Variants in SCARB2 observed in about 807,000 individuals in gnomAD.
The protein encoded by SCARB2 is lysosome membrane protein 2.
In SCARB2, 29 loss-of-function variants were observed where a neutral mutation model predicts 58.6. The observed-to-expected ratio is 0.49, with a 90% confidence interval of 0.37 to 0.67. SCARB2 has a LOEUF of 0.67. SCARB2 is among the 30% of genes least tolerant of loss of function. The pLI, the probability that SCARB2 is intolerant of heterozygous loss-of-function variation, is 0.00. For synonymous variants in SCARB2, 195 were observed against 210.1 expected (o/e 0.93, Z 0.62); for missense variants, 488 against 578.5 (o/e 0.84, Z 1.60).
chr4:76,181,646 C>T (rs767983011), intron 2 of SCARB2, among the ~76,000 whole-genome samples: 1 of 152,118 alleles, frequency 6.6e-6, no homozygotes, highest in Non-Finnish European at 1.5e-5. Context: ...CTCACTGCAG[C>T]CTCAGCCTCC....
At chr4:76,206,441 A>G (rs1036713261) in intron 1 of SCARB2, among the ~76,000 whole-genome samples, 1 of 152,144 alleles carries the variant, frequency 6.6e-6, no homozygotes, top group Non-Finnish European at 1.5e-5. Context: ...ATCTGGACCA[A>G]TACGTGAAGT....
At position 76,168,507 on chromosome 4, in the gene SCARB2, T is replaced by C. The variant is rs188817523; in HGVS notation, c.1114-31A>G. 2.2e-4 allele frequency: 353 copies of C among 1,589,640 alleles called. 2 individuals carry two copies. The Middle Eastern group carries it at 2.3e-3, about 10-fold the overall frequency. On this transcript the variant is annotated intron_variant, in intron 8 of 11. Coordinates refer to ENST00000264896, the MANE Select transcript of SCARB2 (RefSeq NM_005506.4). The stretch of plus-strand genomic sequence containing the variant: ...AATCAGAGAAGTGAAAAGGAAACAT[T>C]AGGATTTATTAAACTGCAAACAACT...
At position 76,213,613 on chromosome 4, in the gene SCARB2, G is replaced by T; in HGVS notation, c.-70C>A. 7.8e-7 allele frequency: 1 copy of T among 1,275,284 alleles called. No homozygotes were observed. Among genetic ancestry groups the T allele is most frequent in the Non-Finnish European group, 1.1e-6 (1 of 884,058 alleles). The allele number at this position is 1,275,284 out of a possible 1,614,324, so 79.0% of individuals were successfully genotyped here. A position where few individuals can be genotyped will look rare whatever the true frequency, so the allele number is the denominator to read the frequency against. On this transcript the variant is annotated 5_prime_UTR_variant, in exon 1 of 12. Transcript: ENST00000264896. Reference sequence around the variant, plus strand: ...ATCCAACTGCAAGGAGGGAGGAGCCGCCGCAGAGGCGTCGAAGACCCGGGA... The same window carrying T: ...ATCCAACTGCAAGGAGGGAGGAGCCTCCGCAGAGGCGTCGAAGACCCGGGA...
chr4:76,203,141 C>A (rs911671115), intron 1 of SCARB2, among the ~76,000 whole-genome samples: 1 of 152,022 alleles, frequency 6.6e-6, no homozygotes, highest in Admixed American at 6.6e-5. Flanking sequence ...CACCCAGCTA[C>A]TTTTTGTATT....
At chr4:76,227,095 T>C (rs1733411585) in intron 1 of SCARB2, among the ~76,000 whole-genome samples, 2 of 152,210 alleles carry the variant, frequency 1.3e-5, no homozygotes, top group African/African-American at 4.8e-5. Flanking sequence ...CTTGTTTCTC[T>C]AGTTTCTTGA....
At chr4:76,177,785 T>C (rs12641190) in intron 4 of SCARB2, among the ~76,000 whole-genome samples, 16,649 of 152,176 alleles carry the variant, frequency 0.11, 1,130 homozygotes, top group East Asian at 0.21. Context: ...GAAGGGCATA[T>C]ATTATATGAC....
intron 1 of SCARB2, among the ~76,000 whole-genome samples, chr4:76,220,499 C>T (rs113756175): frequency 2.4e-4 from 37 of 152,134 alleles, no homozygotes; most frequent in African/African-American, 8.0e-4. Flanking sequence ...CGGTGGCATG[C>T]ACCTATAGTC....
chr4:76,231,527 A>AAAAC (rs58077932), intron 1 of SCARB2, among the ~76,000 whole-genome samples: 6 of 151,780 alleles, frequency 4.0e-5, no homozygotes, highest in African/African-American at 9.7e-5. Context: ...ATTTTTGTTA[A>AAAAC]AAACAAACAA....
At chr4:76,181,788 ACTCCTGGACTCAAGTGATC>A (rs1732391966) in intron 2 of SCARB2, among the ~76,000 whole-genome samples, 1 of 151,522 alleles carries the variant, frequency 6.6e-6, no homozygotes, top group South Asian at 2.1e-4. Context: ...CTGGTCTTGA[ACTCCTGGACTCAAGTGATC>A]CTCCTGCCTC....
At chr4:76,196,480 C>T (rs112836206) in intron 1 of SCARB2, among the ~76,000 whole-genome samples, 63 of 152,308 alleles carry the variant, frequency 4.1e-4, no homozygotes, top group African/African-American at 1.5e-3. Context: ...AAAGGGCCTG[C>T]TGGCTTTGTT....
intron 1 of SCARB2, among the ~76,000 whole-genome samples, chr4:76,197,562 GTTAC>G (rs895428217): frequency 3.9e-5 from 6 of 152,198 alleles, no homozygotes; most frequent in Admixed American, 2.6e-4. Context: ...AGACTGGGGA[GTTAC>G]TTGTTACTCA....
chr4:76,215,411 G>C (rs909080195), upstream of SCARB2, among the ~76,000 whole-genome samples: 2 of 152,140 alleles, frequency 1.3e-5, no homozygotes, highest in African/African-American at 2.4e-5. Flanking sequence ...GCTGCATCCC[G>C]ATCTGTCACT....
At position 76,176,036 on chromosome 4, in the gene SCARB2, C is replaced by T. The variant is rs2289513; in HGVS notation, c.705-126G>A. On this transcript the variant is annotated intron_variant, in intron 5 of 11. Transcript: ENST00000264896. ...CCACAGTATCTTATTCATACACAGA[C>T]ACAACAGTTTTAATTAGATCAAGGG... 200,718 of 1,178,930 alleles carry T rather than the reference C, an allele frequency of 0.17. 19,989 individuals carry two copies. Among genetic ancestry groups the T allele is most frequent in the African/African-American group, 0.39 (25,933 of 66,042 alleles). 73.0% of individuals were successfully genotyped at this position (1,178,930 alleles called of 1,614,324 possible). A position where few individuals can be genotyped will look rare whatever the true frequency, so the allele number is the denominator to read the frequency against.
At chr4:76,207,920 T>C (rs1214847706) in intron 1 of SCARB2, among the ~76,000 whole-genome samples, 1 of 152,238 alleles carries the variant, frequency 6.6e-6, no homozygotes, top group Non-Finnish European at 1.5e-5. Context: ...TTAATAGTAA[T>C]TATAAGTAGT....
intron 1 of SCARB2, among the ~76,000 whole-genome samples, chr4:76,208,787 C>T (rs565102085): frequency 6.6e-6 from 1 of 152,330 alleles, no homozygotes; most frequent in Non-Finnish European, 1.5e-5. Context: ...TAGGCCTCAA[C>T]TCCTTAAGAG....
chr4:76,197,630 C>G (rs34647444), intron 1 of SCARB2, among the ~76,000 whole-genome samples: 3,491 of 152,284 alleles, frequency 0.023, 120 homozygotes, highest in African/African-American at 0.08. Context: ...AGAAACCTAA[C>G]ACCTGGTATT....
rs1560701050 is a variant in SCARB2 at position 76,158,937 on chromosome 4, A to AT, written c.*2775dup. The AT allele has an allele frequency of 6.6e-6, 1 of 152,226 alleles. No homozygotes were observed. Among genetic ancestry groups the AT allele is most frequent in the African/African-American group, 2.4e-5 (1 of 41,456 alleles). The allele number at this position is 152,226 out of a possible 1,614,324, so 9.4% of individuals were successfully genotyped here. A position where few individuals can be genotyped will look rare whatever the true frequency, so the allele number is the denominator to read the frequency against. ...ATGCGGACCACCTTTTGCAGAACTC[A>AT]TATCTCGAGCAGTTTAAATTAAAAA... On this transcript the variant is annotated 3_prime_UTR_variant, in exon 12 of 12. Coordinates refer to ENST00000264896, the MANE Select transcript of SCARB2 (RefSeq NM_005506.4).
intron 1 of SCARB2, among the ~76,000 whole-genome samples, chr4:76,226,276 T>A (rs1241602343): frequency 1.3e-5 from 2 of 151,890 alleles, no homozygotes; most frequent in African/African-American, 4.8e-5. Flanking sequence ...GGTAAACAGG[T>A]GAGGACATGA....
chr4:76,192,511 C>A (rs1207674803), intron 2 of SCARB2: 1 of 152,144 alleles, frequency 6.6e-6, no homozygotes, highest in Non-Finnish European at 1.5e-5. Flanking sequence ...TGTCGCCTGG[C>A]TGCTTCTAAC....
Sources: gnomAD v4.1 joint callset for allele counts (sites outside exome capture counted in the v4.1 genomes callset) on GRCh38, gnomAD v4.1.1 for gene constraint, MANE v1.5 for transcripts, NCBI Gene and HGNC (gene_info 2026-07-23, HGNC 2026-07-21) for gene names.